The following RALGAPA2 variants were observed in gnomAD, a reference collection of about 807,000 sequenced individuals.
RALGAPA2 encodes the protein ral GTPase-activating protein subunit alpha-2.
A neutral mutation model predicts 230.4 loss-of-function variants in RALGAPA2; 139 were observed. That is an observed-to-expected ratio of 0.60 (90% confidence interval 0.53 to 0.69). The LOEUF (loss-of-function observed/expected upper bound fraction) is 0.69, where lower values mean the gene tolerates loss of function less well. Ranked by LOEUF, RALGAPA2 falls within the 30% of genes least tolerant of loss-of-function variation. RALGAPA2 has a pLI of 0.00. For synonymous variants in RALGAPA2, 847 were observed against 837.8 expected (o/e 1.01, Z -0.19); for missense variants, 2,163 against 2,276.0 (o/e 0.95, Z 1.01).
intron 25 of RALGAPA2, 56 bp from the exon 26 acceptor site, chr20:20,535,859 A>G: frequency 6.6e-7 from 1 of 1,521,782 alleles, no homozygotes; most frequent in Non-Finnish European, 8.8e-7. Flanking sequence ...GGTTTCCCAC[A>G]TGTTCTGACC....
chr20:20,634,022 A>T (rs2066773582), intron 9 of RALGAPA2, among the ~76,000 whole-genome samples: 1 of 152,228 alleles, frequency 6.6e-6, no homozygotes, highest in Non-Finnish European at 1.5e-5. Flanking sequence ...ATTCCTTTGA[A>T]GCAACCTGTC....
In RALGAPA2 at chr20:20,546,794, G is replaced by C. The variant is rs756738605; in HGVS notation, c.3195C>G (p.Arg1065=). Residue 1065 remains arginine (R), a synonymous_variant, in exon 24 of 40, where the codon CGC becomes CGG. Transcript: ENST00000202677. ...LNTIIRHCPP[R]FFSLGFPGFS... The stretch of plus-strand genomic sequence containing the variant: ...AGCCAGGAAAACCCAGGGAGAAAAA[G>C]CGGGGTGGACAGTGCCTTATGATCG... 9.9e-6 allele frequency: 16 copies of C among 1,611,668 alleles called. No homozygotes were observed. The East Asian group carries it at 3.1e-4, about 31-fold the overall frequency.
In RALGAPA2 at chr20:20,627,085, G is replaced by A. The variant is rs149363793; in HGVS notation, c.1233+2278C>T. Among the ~76,000 whole-genome samples the A allele has an allele frequency of 4.1e-3, 628 of 152,216 alleles. 5 individuals carry two copies. The highest frequency in any genetic ancestry group is 0.014 in the African/African-American group (601 of 41,514). ...AGATTTTAAAATCGTGGACTATTACGATAAAAAGAAAAGTTGTGGCAGTAT... is the reference window on the plus strand; with the variant it reads ...AGATTTTAAAATCGTGGACTATTACAATAAAAAGAAAAGTTGTGGCAGTAT... On this transcript the variant is annotated intron_variant, in intron 10 of 39. Coordinates refer to ENST00000202677, the MANE Select transcript of RALGAPA2 (RefSeq NM_020343.4).
chr20:20,689,204 T>C (rs16982079), intron 1 of RALGAPA2, among the ~76,000 whole-genome samples: 1,690 of 152,352 alleles, frequency 0.011, 29 homozygotes, highest in African/African-American at 0.039. Context: ...TTATATTCTT[T>C]TACCTTTTAA....
At position 20,531,762 on chromosome 20, in the gene RALGAPA2, T is replaced by A; in HGVS notation, c.3507A>T (p.Ile1169=). The change falls in exon 27 of 40, where the codon ATA becomes ATT. Residue 1169 remains isoleucine (I), a synonymous_variant. Transcript: ENST00000202677. ...TTGTACACTGTGCAAGCTCTTCACA[T>A]ATCCAGACCCCAAGGGAGCAAACAG... ...CIAVCSLGVW[I]CEELAQCTSH... 1 of 1,607,690 alleles carries A rather than the reference T, an allele frequency of 6.2e-7. No homozygotes were observed.
At chr20:20,405,792 A>G (rs2059932927) in intron 38 of RALGAPA2, among the ~76,000 whole-genome samples, 1 of 152,180 alleles carries the variant, frequency 6.6e-6, no homozygotes, top group Non-Finnish European at 1.5e-5. Flanking sequence ...ACTTTCACTA[A>G]GAGACTGGGA....
intron 4 of RALGAPA2, among the ~76,000 whole-genome samples, chr20:20,645,105 GCTTT>G (rs1308698678): frequency 9.3e-6 from 1 of 107,874 alleles, no homozygotes; most frequent in Non-Finnish European, 2.0e-5. Flanking sequence ...TGGTGGTGGT[GCTTT>G]TTTTTTTTTT....
chr20:20,534,119 T>C (rs2063437203), intron 26 of RALGAPA2, among the ~76,000 whole-genome samples: 1 of 152,112 alleles, frequency 6.6e-6, no homozygotes, highest in Admixed American at 6.5e-5. Context: ...GATTAAAAAG[T>C]GGATGTAACC....
chr20:20,438,628 C>A (rs111873345), intron 37 of RALGAPA2, among the ~76,000 whole-genome samples: 1 of 152,154 alleles, frequency 6.6e-6, no homozygotes, highest in Admixed American at 6.5e-5. Context: ...GCAGTGCGCT[C>A]GGGACTGCAC....
At chr20:20,634,508 T>C (rs924449402) in intron 9 of RALGAPA2, among the ~76,000 whole-genome samples, 6 of 152,178 alleles carry the variant, frequency 3.9e-5, no homozygotes, top group Non-Finnish European at 8.8e-5. Flanking sequence ...TTCTCCCCAG[T>C]GGAGCCGCAT....
At chr20:20,426,378 T>C (rs1009020227) in intron 37 of RALGAPA2, among the ~76,000 whole-genome samples, 1 of 152,244 alleles carries the variant, frequency 6.6e-6, no homozygotes, top group Non-Finnish European at 1.5e-5. Context: ...CACCTTCTGC[T>C]AATCTGGTTC....
intron 37 of RALGAPA2, among the ~76,000 whole-genome samples, chr20:20,450,116 C>T (rs1364056949): frequency 1.3e-5 from 2 of 152,096 alleles, no homozygotes; most frequent in Non-Finnish European, 2.9e-5. Flanking sequence ...AAATGGATTC[C>T]ACATATACAA....
chr20:20,547,672 TAGTA>T (rs2063810559), intron 23 of RALGAPA2, among the ~76,000 whole-genome samples: 1 of 152,160 alleles, frequency 6.6e-6, no homozygotes, highest in Non-Finnish European at 1.5e-5. Context: ...TAACAGGAAT[TAGTA>T]AGAAAACCAC....
chr20:20,451,198 C>G (rs1198202088), intron 37 of RALGAPA2, among the ~76,000 whole-genome samples: 1 of 152,130 alleles, frequency 6.6e-6, no homozygotes, highest in African/African-American at 2.4e-5. Flanking sequence ...AAGTGAGGCC[C>G]ACTTAGAAAT....
intron 27 of RALGAPA2, among the ~76,000 whole-genome samples, chr20:20,529,340 G>A (rs1194873054): frequency 1.3e-5 from 2 of 152,158 alleles, no homozygotes; most frequent in Admixed American, 6.5e-5. Flanking sequence ...GACAGAGTGA[G>A]AGCTCAATAT....
At chr20:20,422,944 A>G (rs2060307937) in intron 37 of RALGAPA2, among the ~76,000 whole-genome samples, 3 of 152,214 alleles carry the variant, frequency 2.0e-5, no homozygotes, top group South Asian at 2.1e-4. Flanking sequence ...TGGTTACAGA[A>G]GGGAAGAAGC....
At chr20:20,571,323 C>T (rs916739044) in intron 23 of RALGAPA2, 135 bp downstream of exon 23, 6 of 967,664 alleles carry the variant, frequency 6.2e-6, no homozygotes, top group Non-Finnish European at 8.8e-6. Flanking sequence ...ATTGTGCTTG[C>T]TGTGTGTAAA....
At chr20:20,703,790 G>A (rs768804529) in intron 1 of RALGAPA2, among the ~76,000 whole-genome samples, 2 of 152,200 alleles carry the variant, frequency 1.3e-5, no homozygotes, top group African/African-American at 4.8e-5. Context: ...AAGGAAAGAA[G>A]ACTATGGACG....
In RALGAPA2 at chr20:20,635,503, A is replaced by G. The variant is rs754075647; in HGVS notation, c.920T>C (p.Ile307Thr). 3 of 1,598,118 alleles carry G rather than the reference A, an allele frequency of 1.9e-6. No individual in the cohort carries two copies. Among genetic ancestry groups the G allele is most frequent in the East Asian group, 2.3e-5 (1 of 44,428 alleles). The change falls in exon 9 of 40, where the codon ATT becomes ACT. Residue 307 changes from isoleucine to threonine, a missense_variant. Coordinates refer to ENST00000202677, the MANE Select transcript of RALGAPA2 (RefSeq NM_020343.4). ...MAARVVFIKWIVTFFLEKKYL... is the reference protein window; with the variant it reads ...MAARVVFIKWTVTFFLEKKYL... ...CTTTTTTTCCAAAAAGAAGGTTACAATCCACTTAATAAAAACAACACGAGC... is the reference window on the plus strand; with the variant it reads ...CTTTTTTTCCAAAAAGAAGGTTACAGTCCACTTAATAAAAACAACACGAGC...
Sources: gnomAD v4.1 joint callset for allele counts (sites outside exome capture counted in the v4.1 genomes callset) on GRCh38, gnomAD v4.1.1 for gene constraint, MANE v1.5 for transcripts, NCBI Gene and HGNC (gene_info 2026-07-23, HGNC 2026-07-21) for gene names.